PTK7: variants seen among roughly 807,000 people sequenced by gnomAD.
PTK7 encodes the protein protein tyrosine kinase 7 (inactive).
Under a neutral mutation model 116.6 loss-of-function variants are expected in PTK7, and 39 were observed. The observed-to-expected ratio is 0.33, with a 90% CI of 0.26 to 0.44. The LOEUF is 0.44. PTK7 is among the 20% of genes least tolerant of loss of function. PTK7 has a pLI of 1.00. For synonymous variants in PTK7, 546 were observed against 563.6 expected, an observed-to-expected ratio of 0.97 and a Z score of 0.44; for missense variants, 1,169 against 1,425.6, an observed-to-expected ratio of 0.82 and a Z score of 2.90.
At chr6:43,094,255 T>G (rs796084958) in intron 1 of PTK7, among the ~76,000 whole-genome samples, 7 of 152,288 alleles carry the variant, frequency 4.6e-5, no homozygotes, top group African/African-American at 1.2e-4. Flanking sequence ...AGGACGTCGG[T>G]GTGAAACAGC....
At chr6:43,094,546 G>A (rs1249580671) in intron 1 of PTK7, among the ~76,000 whole-genome samples, 1 of 151,094 alleles carries the variant, frequency 6.6e-6, no homozygotes, top group Non-Finnish European at 1.5e-5. Flanking sequence ...CTCACTGCAA[G>A]CTCCGCCTCC....
intron 1 of PTK7, among the ~76,000 whole-genome samples, chr6:43,077,217 C>T (rs1272927100): frequency 6.6e-6 from 1 of 152,244 alleles, no homozygotes; most frequent in African/African-American, 2.4e-5. Context: ...CACTCCGTGC[C>T]AGGGCCGAAT....
chr6:43,118,732 T>C (rs1052343101), intron 1 of PTK7, among the ~76,000 whole-genome samples: 5 of 136,196 alleles, frequency 3.7e-5, no homozygotes, highest in African/African-American at 1.2e-4. Context: ...TATACATATA[T>C]GTATATATGT....
At chr6:43,121,717 A>G (rs1561958766) in intron 1 of PTK7, among the ~76,000 whole-genome samples, 1 of 152,200 alleles carries the variant, frequency 6.6e-6, no homozygotes. Context: ...GAGACATTCT[A>G]AATCCTCAGA....
intron 17 of PTK7, among the ~76,000 whole-genome samples, chr6:43,147,491 T>C (rs1229041193): frequency 6.6e-6 from 1 of 152,188 alleles, no homozygotes; most frequent in Admixed American, 6.6e-5. Context: ...GAGAGTCTGC[T>C]TCCAAGCTGG....
chr6:43,093,183 C>CTTTTTTTTTT (rs72414606), intron 1 of PTK7, among the ~76,000 whole-genome samples: 4 of 84,774 alleles, frequency 4.7e-5, no homozygotes, highest in African/African-American at 2.0e-4. Context: ...ATAGGATCTC[C>CTTTTTTTTTT]TTTTTTTTTT....
intron 1 of PTK7, among the ~76,000 whole-genome samples, chr6:43,120,600 GT>G (rs1228732364): frequency 1.3e-5 from 2 of 152,226 alleles, no homozygotes; most frequent in African/African-American, 4.8e-5. Flanking sequence ...CATTTACTAA[GT>G]GGGCTCTGAG....
rs199696954 is a variant in PTK7, at chr6:43,139,351, G to A, written c.1499-55G>A. On this transcript the variant is annotated intron_variant, in intron 9 of 19. Transcript: ENST00000230419. This position sits in a 1 kb window ranked among gnomAD's most constrained non-coding sequence, Gnocchi z 4.6. ...GGGAGGGAGCAGCAGGCCTGGCCAC[G>A]GCCTCTCCAGCGGCCCCAATTCCTC... 5.2e-5 allele frequency: 84 copies of A among 1,613,922 alleles called. No homozygotes were observed. The highest frequency in any genetic ancestry group is 6.6e-5 in the Non-Finnish European group (78 of 1,179,816).
intron 1 of PTK7, among the ~76,000 whole-genome samples, chr6:43,084,826 T>G (rs1460378102): frequency 6.6e-6 from 1 of 152,090 alleles, no homozygotes; most frequent in African/African-American, 2.4e-5. Flanking sequence ...AGACCCTACA[T>G]TGCTGAATAG....
chr6:43,125,180 CAAAAAAA>C (rs772855849), intron 1 of PTK7, among the ~76,000 whole-genome samples: 1 of 151,236 alleles, frequency 6.6e-6, no homozygotes, highest in African/African-American at 2.4e-5. Flanking sequence ...TCTCAAAAAA[CAAAAAAA>C]AGAAAAAAGA....
rs1770516628 is a variant in PTK7 at position 43,143,124 on chromosome 6, CAAAT to C, written c.2048-290_2048-287del. The C allele has an allele frequency of 3.0e-6, 1 of 337,884 alleles. No homozygotes were observed. Among genetic ancestry groups the C allele is most frequent in the East Asian group, 5.5e-5 (1 of 18,316 alleles). 20.9% of individuals were successfully genotyped at this position (337,884 alleles called of 1,614,324 possible). On this transcript the variant is annotated intron_variant, in intron 13 of 19. Transcript: ENST00000230419. This position sits in a 1 kb window ranked among gnomAD's most constrained non-coding sequence, Gnocchi z 4.2. Reference sequence around the variant, plus strand: ...TTATCAAGTCACTTGGGAAGCTTAACAAATAACGTGGGTTTGTGGTAGCTCCTTG... The same window carrying C: ...TTATCAAGTCACTTGGGAAGCTTAACAACGTGGGTTTGTGGTAGCTCCTTG...
chr6:43,139,612 G>T lies in PTK7; in HGVS notation c.1618+87G>T. On this transcript the variant is annotated intron_variant, in intron 10 of 19. Coordinates refer to ENST00000230419, the MANE Select transcript of PTK7 (RefSeq NM_002821.5). This position sits in a 1 kb window ranked among gnomAD's most constrained non-coding sequence, Gnocchi z 4.6. ...TGAGGGCTGCTGGGTGCCCCGCACT[G>T]TGCCAGGAAATGTGGAGATTAGACA... 8 of 1,560,854 alleles carry T rather than the reference G, an allele frequency of 5.1e-6. No homozygotes were observed. The highest frequency in any genetic ancestry group is 6.9e-6 in the Non-Finnish European group (8 of 1,153,884).
intron 7 of PTK7, among the ~76,000 whole-genome samples, chr6:43,135,138 A>G (rs1033466969): frequency 1.3e-5 from 2 of 152,136 alleles, no homozygotes; most frequent in Non-Finnish European, 2.9e-5. Context: ...CAGTCATTCC[A>G]CAGATGCTGA....
At chr6:43,158,789 G>A in intron 17 of PTK7, 28 bp from the exon 18 acceptor site, 1 of 1,608,946 alleles carries the variant, frequency 6.2e-7, no homozygotes, top group Non-Finnish European at 8.5e-7. Context: ...TTCCTGGGCT[G>A]CTCTAACAGG....
chr6:43,157,358 A>ATTT (rs1205979544), intron 17 of PTK7, among the ~76,000 whole-genome samples: 2 of 3,752 alleles, frequency 5.3e-4, no homozygotes, highest in Non-Finnish European at 1.2e-3. Flanking sequence ...ATATATATAT[A>ATTT]TATATATTTT....
rs146970898 is a variant in PTK7 at position 43,136,449 on chromosome 6, C to T, written c.1229-2400C>T. Among the ~76,000 whole-genome samples the T allele has an allele frequency of 9.6e-3, 1,456 of 152,234 alleles. 26 individuals are homozygous for T. The highest frequency in any genetic ancestry group is 0.032 in the African/African-American group (1,314 of 41,536). ...CCCGCTCGTCTACCTGGTGTGCTAT[C>T]GGCTGGGTGTACACGTTTGCAGTCA... On this transcript the variant is annotated intron_variant, in intron 7 of 19. Transcript: ENST00000230419.
At chr6:43,079,020 G>A (rs770726006) in intron 1 of PTK7, among the ~76,000 whole-genome samples, 1 of 152,104 alleles carries the variant, frequency 6.6e-6, no homozygotes, top group Non-Finnish European at 1.5e-5. Flanking sequence ...GCAGGGCAAG[G>A]GTGCTCTTCT....
Position 43,145,431 on chromosome 6 carries a change from T to C in PTK7, c.2639T>C (p.Leu880Pro), listed in dbSNP as rs1275203009. Residue 880 changes from leucine (L) to proline (P), a missense_variant and splice_region_variant, in exon 16 of 20, where the codon CTG (leucine) becomes CCG (proline). Coordinates refer to ENST00000230419, the MANE Select transcript of PTK7 (RefSeq NM_002821.5). This position sits in a 1 kb window ranked among gnomAD's most constrained non-coding sequence, Gnocchi z 4.8. ...TACATGGTGCTGGAATATGTGGATC[T>C]GGTATGCTGTTGGCAGGGGACGTGG... ...PHYMVLEYVD[L>P]GDLKQFLRIS... 6.4e-7 allele frequency: 1 copy of C among 1,551,034 alleles called. No homozygotes were observed. Among genetic ancestry groups the C allele is most frequent in the South Asian group, 1.2e-5 (1 of 83,784 alleles).
intron 7 of PTK7, chr6:43,138,621 C>T: frequency 2.2e-6 from 1 of 456,688 alleles, no homozygotes. Context: ...ATAATTGTGT[C>T]ACTCTACTCC....
Sources: allele counts gnomAD v4.1 joint callset (sites outside exome capture counted in the v4.1 genomes callset), GRCh38; gene constraint gnomAD v4.1.1; non-coding constraint Gnocchi (gnomAD v3.1); transcripts MANE v1.5; gene names NCBI Gene and HGNC (gene_info 2026-07-23, HGNC 2026-07-21).